INTS7: variants seen among roughly 807,000 people sequenced by gnomAD.
INTS7 encodes integrator complex subunit 7.
Under a neutral mutation model 109.2 loss-of-function variants are expected in INTS7, and 46 were observed. That is an observed-to-expected ratio of 0.42 (90% CI 0.33 to 0.54). The LOEUF (loss-of-function observed/expected upper bound fraction) is 0.54, where lower values mean the gene tolerates loss of function less well. INTS7 is among the 20% of genes least tolerant of loss of function. The pLI is 0.07. For missense variants in INTS7, 929 were observed against 1,132.4 expected (o/e 0.82, Z 2.58); for synonymous variants, 412 against 402.9 (o/e 1.02, Z -0.27).
chr1:211,994,421 C>T (rs1259752283), intron 7 of INTS7, among the ~76,000 whole-genome samples: 1 of 145,028 alleles, frequency 6.9e-6, no homozygotes, highest in Admixed American at 7.0e-5. Context: ...AAAAAAAATT[C>T]TCTTTTTTTT....
intron 15 of INTS7, among the ~76,000 whole-genome samples, chr1:211,967,392 C>T (rs1335986820): frequency 2.9e-5 from 4 of 139,092 alleles, no homozygotes; most frequent in African/African-American, 1.1e-4. Context: ...GCAGAGGTTG[C>T]AGTGAGCCAA....
At chr1:212,015,007 G>A (rs1408636705) in intron 4 of INTS7, among the ~76,000 whole-genome samples, 1 of 151,716 alleles carries the variant, frequency 6.6e-6, no homozygotes, top group Non-Finnish European at 1.5e-5. Flanking sequence ...TCTGAGAAGT[G>A]AGGAGCCCTT....
intron 7 of INTS7, among the ~76,000 whole-genome samples, chr1:211,993,368 A>T (rs1285251230): frequency 6.6e-6 from 1 of 152,182 alleles, no homozygotes. Flanking sequence ...AGGTTGCATA[A>T]ATCAAATATT....
At chr1:212,023,587 A>G (rs1666799674) in intron 1 of INTS7, among the ~76,000 whole-genome samples, 1 of 151,946 alleles carries the variant, frequency 6.6e-6, no homozygotes, top group East Asian at 1.9e-4. Context: ...CCACTTTTTA[A>G]TAGGGTTATT....
chr1:211,943,212 C>G (rs1662708856), intron 19 of INTS7, among the ~76,000 whole-genome samples: 1 of 151,952 alleles, frequency 6.6e-6, no homozygotes, highest in Non-Finnish European at 1.5e-5. Flanking sequence ...GCATCTTAAG[C>G]TGCAAACTCA....
chr1:211,982,766 C>T lies in INTS7; in HGVS notation c.1042G>A (p.Ala348Thr). The change falls in exon 9 of 20, where the codon GCC becomes ACC. Residue 348 changes from alanine to threonine, a missense_variant. Ala to Thr is a moderately conservative substitution (Grantham distance 58). Coordinates refer to ENST00000366994, the MANE Select transcript of INTS7 (RefSeq NM_015434.4). ...SPRSSDLVKL[A>T]QECCYHNNRG... is the part of the protein sequence containing the mutation. ...TTATTATGGTAACAGCACTCTTGGG[C>T]TAATTTGACTAAATCAGAAGATCTG... The T allele has an allele frequency of 1.2e-6, 2 of 1,610,900 alleles. No individual in the cohort carries two copies. Among genetic ancestry groups the T allele is most frequent in the Non-Finnish European group, 1.7e-6 (2 of 1,177,836 alleles).
At chr1:211,952,839 G>T in intron 16 of INTS7, 138 bp from the exon 17 acceptor site, 2 of 823,022 alleles carry the variant, frequency 2.4e-6, no homozygotes, top group Non-Finnish European at 3.7e-6. Context: ...TGAGAAAATT[G>T]AGGCTAGGAG....
chr1:211,985,341 G>T (rs1266358760), intron 8 of INTS7, among the ~76,000 whole-genome samples: 1 of 152,068 alleles, frequency 6.6e-6, no homozygotes. Flanking sequence ...ATTTAAGTTT[G>T]CTTTTTAAAC....
chr1:212,015,710 T>TAAA (rs58204818), intron 4 of INTS7, among the ~76,000 whole-genome samples: 5 of 34,978 alleles, frequency 1.4e-4, no homozygotes, highest in Non-Finnish European at 2.0e-4. Context: ...CAATAAATAC[T>TAAA]AAAAAAAAAA....
At chr1:212,018,464 C>T (rs1249781529) in intron 3 of INTS7, among the ~76,000 whole-genome samples, 1 of 151,534 alleles carries the variant, frequency 6.6e-6, no homozygotes, top group Non-Finnish European at 1.5e-5. Flanking sequence ...GAAATTCATT[C>T]CACCAGTTAA....
chr1:212,014,598 G>C (rs149726340), intron 4 of INTS7, among the ~76,000 whole-genome samples: 11,524 of 140,824 alleles, frequency 0.082, 656 homozygotes, highest in African/African-American at 0.16. Flanking sequence ...GATGCCGAGC[G>C]GAGGCTGGAC....
intron 16 of INTS7, among the ~76,000 whole-genome samples, chr1:211,965,636 C>T (rs977545791): frequency 6.6e-6 from 1 of 152,148 alleles, no homozygotes; most frequent in South Asian, 2.1e-4. Flanking sequence ...AAGATCATGT[C>T]CTTGGCAGGA....
At chr1:212,028,301 C>A (rs1270957696) in intron 1 of INTS7, among the ~76,000 whole-genome samples, 1 of 152,230 alleles carries the variant, frequency 6.6e-6, no homozygotes. Flanking sequence ...TTTTACAAAT[C>A]ATACTTCACA....
intron 13 of INTS7, among the ~76,000 whole-genome samples, chr1:211,971,069 C>G (rs1161171985): frequency 6.6e-6 from 1 of 152,196 alleles, no homozygotes; most frequent in African/African-American, 2.4e-5. Context: ...GGGGAAGATA[C>G]ACAGCTCCGA....
intron 7 of INTS7, among the ~76,000 whole-genome samples, chr1:211,999,462 T>G (rs1443373213): frequency 6.6e-6 from 1 of 152,130 alleles, no homozygotes; most frequent in African/African-American, 2.4e-5. Context: ...GGGAAAGGAC[T>G]GACTACAGAG....
intron 17 of INTS7, among the ~76,000 whole-genome samples, chr1:211,951,768 A>C (rs967976766): frequency 1.3e-5 from 2 of 152,206 alleles, no homozygotes; most frequent in Admixed American, 1.3e-4. Flanking sequence ...CCTGCCTCCA[A>C]AACTGTGAGA....
intron 11 of INTS7, among the ~76,000 whole-genome samples, chr1:211,977,290 A>C (rs1029908699): frequency 1.3e-5 from 2 of 152,202 alleles, no homozygotes; most frequent in Non-Finnish European, 2.9e-5. Context: ...TAATGAATGC[A>C]AGAGTTTTCA....
At chr1:212,019,424 G>C (rs1233143345) in intron 3 of INTS7, among the ~76,000 whole-genome samples, 1 of 151,932 alleles carries the variant, frequency 6.6e-6, no homozygotes, top group East Asian at 1.9e-4. Flanking sequence ...TCCTGATATG[G>C]AAAAAACGAC....
At position 211,982,819 on chromosome 1, in the gene INTS7, GC is replaced by G. The variant is rs1469991327; in HGVS notation, c.998-10del. On this transcript the variant is annotated splice_polypyrimidine_tract_variant and intron_variant, in intron 8 of 19. Transcript: ENST00000366994. Reference sequence around the variant, plus strand: ...AGAAGAACTCACATTTCCTAAAAAAGCAGAGAAAAGTAGTAGAAATTGTAAT... The same window carrying G: ...AGAAGAACTCACATTTCCTAAAAAAGAGAGAAAAGTAGTAGAAATTGTAAT... The G allele has an allele frequency of 6.3e-7, 1 of 1,596,150 alleles. No individual in the cohort carries two copies. Among genetic ancestry groups the G allele is most frequent in the Non-Finnish European group, 8.6e-7 (1 of 1,169,382 alleles).
Sources: allele counts gnomAD v4.1 joint callset (sites outside exome capture counted in the v4.1 genomes callset), GRCh38; gene constraint gnomAD v4.1.1; transcripts MANE v1.5; gene names NCBI Gene and HGNC (gene_info 2026-07-23, HGNC 2026-07-21).